Variants in STYXL1 observed in about 807,000 individuals in gnomAD.
STYXL1 encodes serine/threonine/tyrosine interacting like 1, also known as serine/threonine/tyrosine-interacting-like protein 1.
In STYXL1, 32 loss-of-function variants were observed where a neutral mutation model predicts 36.4. That is an observed-to-expected ratio of 0.88 (90% confidence interval 0.66 to 1.18). STYXL1 has a LOEUF of 1.18. Among genes scored for constraint, STYXL1 ranks in the 50% most tolerant of loss-of-function variants. The pLI is 0.00. For synonymous variants in STYXL1, 133 were observed against 144.1 expected, an observed-to-expected ratio of 0.92 and a Z score of 0.55; for missense variants, 354 against 394.1, an observed-to-expected ratio of 0.90 and a Z score of 0.86.
At chr7:76,036,675 G>A (rs1400256013) in intron 1 of STYXL1, among the ~76,000 whole-genome samples, 1 of 131,320 alleles carries the variant, frequency 7.6e-6, no homozygotes, top group Non-Finnish European at 1.6e-5. Context: ...GAGCCACCTC[G>A]CCAGGCTACC....
intron 1 of STYXL1, chr7:76,045,276 C>T (rs1359975723): frequency 6.6e-6 from 1 of 152,180 alleles, no homozygotes; most frequent in Admixed American, 6.6e-5. Flanking sequence ...CTTTGTCATC[C>T]ATAAAATAGA....
intron 1 of STYXL1, among the ~76,000 whole-genome samples, chr7:76,031,866 C>G (rs1256558909): frequency 2.6e-5 from 4 of 152,156 alleles, no homozygotes; most frequent in Admixed American, 2.6e-4. Context: ...CTACTATGTC[C>G]CAGGCACTGG....
chr7:76,018,736 G>A (rs553933992), intron 4 of STYXL1, among the ~76,000 whole-genome samples: 8 of 152,302 alleles, frequency 5.3e-5, no homozygotes, highest in African/African-American at 1.9e-4. Context: ...TGTGTGGACA[G>A]ACCACATTCT....
In STYXL1 at chr7:76,024,487, C is replaced by T. The variant is rs138924063; in HGVS notation, c.166-2495G>A. Among the ~76,000 whole-genome samples the T allele has an allele frequency of 4.2e-3, 639 of 152,060 alleles. 6 individuals are homozygous for T. The highest frequency in any genetic ancestry group is 0.014 in the African/African-American group (593 of 41,458). On this transcript the variant is annotated intron_variant, in intron 3 of 8. Transcript: ENST00000359697. Reference sequence around the variant, plus strand: ...TACAAGTTAGCTGGGTGTGGTGGTGCACACCTATGGTCCCAGCTACTGGGA... The same window carrying T: ...TACAAGTTAGCTGGGTGTGGTGGTGTACACCTATGGTCCCAGCTACTGGGA...
At chr7:76,003,893 C>A in intron 6 of STYXL1, 38 bp from the exon 7 acceptor site, 1 of 1,586,776 alleles carries the variant, frequency 6.3e-7, no homozygotes. Flanking sequence ...AGGTGGAATG[C>A]AGAATGCAGG....
At chr7:76,041,994 C>T (rs1395134747) in intron 1 of STYXL1, among the ~76,000 whole-genome samples, 2 of 152,224 alleles carry the variant, frequency 1.3e-5, no homozygotes, top group Non-Finnish European at 1.5e-5. Flanking sequence ...GTATGAAAAC[C>T]GTAGATCAAT....
chr7:76,035,091 G>C (rs1199884108), intron 1 of STYXL1, among the ~76,000 whole-genome samples: 1 of 144,662 alleles, frequency 6.9e-6, no homozygotes. Flanking sequence ...AGTTGCTTGG[G>C]CCCGATGACC....
rs1329889489 is a variant in STYXL1 at position 76,020,195 on chromosome 7, C to T, written c.307+1656G>A. Among the ~76,000 whole-genome samples the T allele has an allele frequency of 2.0e-5, 3 of 152,160 alleles. No individual in the cohort carries two copies. The East Asian group carries it at 5.8e-4, about 29-fold the overall frequency. On this transcript the variant is annotated intron_variant, in intron 4 of 8. Transcript: ENST00000359697. ...AGCCTACAGTCCTAGGATTGCAGAC[C>T]AGAGCCCAACAGGATGAGCTTAGGG...
chr7:76,011,390 C>T (rs1792535787), intron 5 of STYXL1, among the ~76,000 whole-genome samples: 1 of 152,182 alleles, frequency 6.6e-6, no homozygotes, highest in African/African-American at 2.4e-5. Flanking sequence ...AGGACTTGTA[C>T]TTTATAATAA....
Position 75,999,511 on chromosome 7 carries a change from A to ATGTGTGTGTGTG in STYXL1, c.810+1367_810+1378dup, listed in dbSNP as rs71301271. On this transcript the variant is annotated intron_variant, in intron 8 of 8. Coordinates refer to ENST00000359697, the MANE Select transcript of STYXL1 (RefSeq NM_001317785.2). ...TTTTGTTGTGTGTGTGTGTGTGTGT[A>ATGTGTGTGTGTG]TGTGTGTGTGTGTGTGTGTGTGTGT... is the stretch of plus-strand genomic sequence containing the variant. Among the ~76,000 whole-genome samples the ATGTGTGTGTGTG allele has an allele frequency of 5.3e-3, 509 of 95,916 alleles. 3 individuals are homozygous for ATGTGTGTGTGTG. Among genetic ancestry groups the ATGTGTGTGTGTG allele is most frequent in the South Asian group, 0.036 (114 of 3,198 alleles). 62.9% of individuals were successfully genotyped at this position (95,916 alleles called of 152,430 possible). A position where few individuals can be genotyped will look rare whatever the true frequency, so the allele number is the denominator to read the frequency against.
intron 1 of STYXL1, among the ~76,000 whole-genome samples, chr7:76,033,724 T>A (rs1311086033): frequency 6.6e-6 from 1 of 152,154 alleles, no homozygotes; most frequent in Non-Finnish European, 1.5e-5. Flanking sequence ...CATGCAAACA[T>A]CCTCTTGTAC....
At chr7:76,011,740 A>C (rs1449137544) in intron 5 of STYXL1, among the ~76,000 whole-genome samples, 8 of 151,892 alleles carry the variant, frequency 5.3e-5, no homozygotes, top group Admixed American at 5.3e-4. Flanking sequence ...GCCTTAGACA[A>C]CTCCACCCAG....
At chr7:76,005,168 A>G (rs1791504724) in intron 6 of STYXL1, 91 bp downstream of exon 6, 1 of 826,742 alleles carries the variant, frequency 1.2e-6, no homozygotes, top group Non-Finnish European at 1.5e-6. Flanking sequence ...AAAGTGTAAT[A>G]ATAATAAAAT....
intron 3 of STYXL1, among the ~76,000 whole-genome samples, chr7:76,024,449 T>A (rs952869339): frequency 6.6e-6 from 1 of 151,644 alleles, no homozygotes; most frequent in Non-Finnish European, 1.5e-5. Flanking sequence ...CGAGACCCCA[T>A]CTCTACAAAA....
intron 4 of STYXL1, among the ~76,000 whole-genome samples, chr7:76,019,600 G>GGCTAACTCTGCTTCCATATTGAATTTT (rs2115992610): frequency 1.3e-5 from 2 of 152,134 alleles, no homozygotes; most frequent in East Asian, 3.9e-4. Context: ...CACCGTGCCT[G>GGCTAACTCTGCTTCCATATTGAATTTT]GCTAACTCTG....
chr7:76,035,756 C>G (rs1176433446), intron 1 of STYXL1, among the ~76,000 whole-genome samples: 1 of 149,780 alleles, frequency 6.7e-6, no homozygotes, highest in Non-Finnish European at 1.5e-5. Flanking sequence ...ATGGCTCATA[C>G]CCATCCTCAG....
chr7:76,018,940 G>GCA (rs1427222890), intron 4 of STYXL1, among the ~76,000 whole-genome samples: 2 of 152,140 alleles, frequency 1.3e-5, no homozygotes, highest in Non-Finnish European at 2.9e-5. Flanking sequence ...TTTCTGGTTC[G>GCA]CAGTGTATGA....
intron 5 of STYXL1, among the ~76,000 whole-genome samples, chr7:76,009,023 CAAAA>C (rs554799702): frequency 6.6e-6 from 1 of 151,396 alleles, no homozygotes; most frequent in Non-Finnish European, 1.5e-5. Flanking sequence ...CAAAACAAAA[CAAAA>C]AAAACCCCAC....
chr7:75,999,559 T>A (rs1281622428), intron 8 of STYXL1, among the ~76,000 whole-genome samples: 751 of 68,258 alleles, frequency 0.011, 2 homozygotes, highest in Non-Finnish European at 0.019. Context: ...GTGTATATTT[T>A]TTTTTGAGAC....
Sources: gnomAD v4.1 joint callset for allele counts (sites outside exome capture counted in the v4.1 genomes callset) on GRCh38, gnomAD v4.1.1 for gene constraint, MANE v1.5 for transcripts, NCBI Gene and HGNC (gene_info 2026-07-23, HGNC 2026-07-21) for gene names.